BABAM2: variants seen among roughly 807,000 people sequenced by gnomAD.
The protein encoded by BABAM2 is BRISC and BRCA1 A complex member 2, also known as BRISC and BRCA1-A complex member 2.
BABAM2 carries 31 observed loss-of-function variants against 54.7 expected under a neutral mutation model. The observed-to-expected ratio is 0.57, with a 90% CI of 0.43 to 0.77. The LOEUF (loss-of-function observed/expected upper bound fraction) is 0.77. Among genes scored for constraint, BABAM2 ranks in the 30% least tolerant of loss-of-function variants. The pLI is 0.00. For missense variants in BABAM2, 364 were observed against 455.8 expected (o/e 0.80, Z 1.83); for synonymous variants, 167 against 162.9 (o/e 1.03, Z -0.19).
intron 5 of BABAM2, among the ~76,000 whole-genome samples, chr2:28,041,700 G>C (rs915242903): frequency 2.8e-4 from 43 of 152,102 alleles, no homozygotes; most frequent in African/African-American, 9.7e-4. Context: ...TTTTCCTTCA[G>C]TTCCACATGG....
intron 6 of BABAM2, among the ~76,000 whole-genome samples, chr2:28,126,132 T>G (rs1669503119): frequency 6.6e-6 from 1 of 151,988 alleles, no homozygotes; most frequent in South Asian, 2.1e-4. Context: ...ATCTAAAATT[T>G]TTTTTTAATT....
At chr2:28,172,316 A>G (rs1226661611) in intron 7 of BABAM2, among the ~76,000 whole-genome samples, 4 of 152,186 alleles carry the variant, frequency 2.6e-5, no homozygotes, top group African/African-American at 4.8e-5. Context: ...CAACAAGGAC[A>G]GGTTCTTAGG....
chr2:28,149,639 C>T lies in BABAM2; in HGVS notation c.680+20259C>T, dbSNP rs115665990. Among the ~76,000 whole-genome samples, 760 of 152,232 alleles carry T rather than the reference C, an allele frequency of 5.0e-3. 8 individuals are homozygous for T. Among genetic ancestry groups the T allele is most frequent in the African/African-American group, 0.017 (708 of 41,546 alleles). On this transcript the variant is annotated intron_variant, in intron 7 of 11. Coordinates refer to ENST00000379624, the MANE Select transcript of BABAM2 (RefSeq NM_199191.3). ...CCCGGTTTTCCTGCGCTCTTTCCAC[C>T]GTATCACTCCACACGCCTGTACAGT...
At chr2:28,240,077 C>T (rs1251096099) in intron 8 of BABAM2, among the ~76,000 whole-genome samples, 4 of 150,900 alleles carry the variant, frequency 2.7e-5, no homozygotes. Flanking sequence ...AGACGTTCTA[C>T]AAGACTACTA....
At chr2:27,901,042 CAAAAAA>C (rs553293287) in intron 2 of BABAM2, among the ~76,000 whole-genome samples, 3 of 83,616 alleles carry the variant, frequency 3.6e-5, no homozygotes, top group Admixed American at 1.3e-4. Flanking sequence ...GACTCTGTCT[CAAAAAA>C]AAAAAAAAAA....
At chr2:27,980,850 A>G (rs979780409) in intron 3 of BABAM2, among the ~76,000 whole-genome samples, 1 of 152,102 alleles carries the variant, frequency 6.6e-6, no homozygotes, top group Non-Finnish European at 1.5e-5. Flanking sequence ...TAGGGTGAGT[A>G]TAGTTAACAG....
intron 3 of BABAM2, among the ~76,000 whole-genome samples, chr2:27,943,961 G>A (rs568519197): frequency 1.3e-5 from 2 of 151,936 alleles, no homozygotes; most frequent in South Asian, 4.2e-4. Context: ...TTATTTTCTT[G>A]GAATTCATGG....
intron 6 of BABAM2, among the ~76,000 whole-genome samples, chr2:28,062,056 G>A (rs1462533566): frequency 1.3e-5 from 2 of 152,026 alleles, no homozygotes; most frequent in African/African-American, 4.8e-5. Context: ...TCAGGAGTTC[G>A]AGACCAGCCT....
intron 4 of BABAM2, among the ~76,000 whole-genome samples, chr2:27,999,795 AC>A (rs1450862829): frequency 6.6e-6 from 1 of 152,196 alleles, no homozygotes; most frequent in Non-Finnish European, 1.5e-5. Flanking sequence ...GAGGAGTCAG[AC>A]TTTTATTATA....
At chr2:27,927,838 G>GTTTTTTTT (rs376186465) in intron 2 of BABAM2, among the ~76,000 whole-genome samples, 22 of 135,754 alleles carry the variant, frequency 1.6e-4, no homozygotes, top group East Asian at 2.2e-4. Flanking sequence ...TAAAGTTTCT[G>GTTTTTTTT]TTTTTTTTTT....
intron 7 of BABAM2, among the ~76,000 whole-genome samples, chr2:28,181,307 G>A (rs1166461097): frequency 2.6e-5 from 4 of 152,178 alleles, no homozygotes; most frequent in African/African-American, 9.6e-5. Flanking sequence ...CATAAAGAGT[G>A]AAATTCTGTC....
chr2:28,218,947 C>T (rs1172460068), intron 7 of BABAM2, among the ~76,000 whole-genome samples: 1 of 152,190 alleles, frequency 6.6e-6, no homozygotes, highest in African/African-American at 2.4e-5. Flanking sequence ...GCTGCATAAA[C>T]AAAGCCTCAT....
At chr2:28,152,214 T>C (rs1423722821) in intron 7 of BABAM2, among the ~76,000 whole-genome samples, 1 of 152,184 alleles carries the variant, frequency 6.6e-6, no homozygotes, top group Non-Finnish European at 1.5e-5. Flanking sequence ...CAATTGAGAA[T>C]GAAGAGCCAT....
intron 7 of BABAM2, among the ~76,000 whole-genome samples, chr2:28,188,323 T>C (rs147460977): frequency 0.013 from 2,008 of 152,322 alleles, 29 homozygotes; most frequent in South Asian, 0.05. Flanking sequence ...TTGTGATAAA[T>C]ACATTTGAAA....
At chr2:28,085,637 G>C (rs775122765) in intron 6 of BABAM2, among the ~76,000 whole-genome samples, 8 of 152,102 alleles carry the variant, frequency 5.3e-5, no homozygotes, top group Non-Finnish European at 8.8e-5. Context: ...TAAAATTTAA[G>C]ATTTTTAGCC....
chr2:27,932,810 C>T (rs916891582), intron 3 of BABAM2, among the ~76,000 whole-genome samples: 1 of 152,182 alleles, frequency 6.6e-6, no homozygotes, highest in Admixed American at 6.5e-5. Context: ...CATCAGTAGC[C>T]TCTTCCTCAC....
At chr2:28,110,659 A>C (rs1046091525) in intron 6 of BABAM2, among the ~76,000 whole-genome samples, 4 of 152,024 alleles carry the variant, frequency 2.6e-5, no homozygotes, top group Admixed American at 2.6e-4. Flanking sequence ...AATAAAATAA[A>C]AAAACACAGG....
intron 7 of BABAM2, among the ~76,000 whole-genome samples, chr2:28,172,131 C>T (rs185402131): frequency 3.3e-3 from 507 of 151,414 alleles, no homozygotes; most frequent in Non-Finnish European, 6.3e-3. Context: ...TGTGTATAAT[C>T]CAGCATACTA....
intron 4 of BABAM2, among the ~76,000 whole-genome samples, chr2:28,015,012 T>C (rs1386531180): frequency 6.6e-6 from 1 of 152,196 alleles, no homozygotes; most frequent in Non-Finnish European, 1.5e-5. Flanking sequence ...TATTCATTAT[T>C]ATTGAAGTGG....
Sources: allele counts gnomAD v4.1 joint callset (sites outside exome capture counted in the v4.1 genomes callset), GRCh38; gene constraint gnomAD v4.1.1; transcripts MANE v1.5; gene names NCBI Gene and HGNC (gene_info 2026-07-23, HGNC 2026-07-21).